ZBTB8OS: variants seen among roughly 807,000 people sequenced by gnomAD.
ZBTB8OS encodes tRNA splicing ligase complex subunit 1.
ZBTB8OS carries 16 observed loss-of-function variants against 29.3 expected under a neutral mutation model. The ratio of observed to expected loss-of-function variants is 0.55; its 90% CI spans 0.37 to 0.83. The LOEUF is 0.83. Among genes scored for constraint, ZBTB8OS ranks in the 40% least tolerant of loss-of-function variants. ZBTB8OS has a pLI of 0.00. For missense variants in ZBTB8OS, 160 were observed against 196.9 expected (o/e 0.81, Z 1.12); for synonymous variants, 70 against 64.6 (o/e 1.08, Z -0.40).
chr1:32,650,072 GTCC>G (rs1417715925), intron 1 of ZBTB8OS, among the ~76,000 whole-genome samples: 7 of 152,108 alleles, frequency 4.6e-5, no homozygotes, highest in Non-Finnish European at 8.8e-5. Context: ...AGCTTTCCGA[GTCC>G]TCTAACCTCG....
intron 3 of ZBTB8OS, 71 bp downstream of exon 3, chr1:32,633,880 A>G: frequency 1.3e-6 from 2 of 1,517,918 alleles, no homozygotes; most frequent in Non-Finnish European, 1.8e-6. Context: ...ATATACTCAG[A>G]TTATGTAGAA....
Position 32,621,951 on chromosome 1 carries a change from A to AG in ZBTB8OS, c.418-4_418-3insC, listed in dbSNP as rs1644780011. The AG allele has an allele frequency of 6.4e-7, 1 of 1,556,026 alleles. No homozygotes were observed. The highest frequency in any genetic ancestry group is 1.4e-5 in the African/African-American group (1 of 71,374). On this transcript the variant is annotated splice_polypyrimidine_tract_variant and splice_region_variant and intron_variant, in intron 6 of 6. Transcript: ENST00000468695. ...GTTATTGCTTTGACTTCTGTTCCCT[A>AG]AAGTTGGGGTTAGAGAAAAAAAAAA...
chr1:32,626,038 A>T (rs1645109641), intron 6 of ZBTB8OS, among the ~76,000 whole-genome samples: 1 of 151,978 alleles, frequency 6.6e-6, no homozygotes, highest in Non-Finnish European at 1.5e-5. Context: ...GCACCCAGCT[A>T]ATTTTTGTAT....
intron 5 of ZBTB8OS, 76 bp downstream of exon 5, chr1:32,631,751 C>T: frequency 4.4e-6 from 5 of 1,138,962 alleles, no homozygotes. Flanking sequence ...TTTATGTTTC[C>T]ATCTGTTTCC....
chr1:32,649,460 T>C (rs572030362), intron 1 of ZBTB8OS, among the ~76,000 whole-genome samples: 2 of 152,142 alleles, frequency 1.3e-5, no homozygotes, highest in Non-Finnish European at 2.9e-5. Flanking sequence ...CAGCTACCTT[T>C]AGGGATGACA....
At chr1:32,634,387 C>G in intron 2 of ZBTB8OS, 1 of 310,674 alleles carries the variant, frequency 3.2e-6, no homozygotes, top group East Asian at 5.6e-5. Context: ...CCACCAGACC[C>G]GGCTAATTTT....
At chr1:32,631,730 TG>T in intron 5 of ZBTB8OS, 96 bp downstream of exon 5, 1 of 871,342 alleles carries the variant, frequency 1.1e-6, no homozygotes, top group Non-Finnish European at 1.8e-6. Context: ...AATCTGCAAG[TG>T]GCCCTCTGAT....
chr1:32,645,840 A>G (rs961320205), intron 1 of ZBTB8OS, among the ~76,000 whole-genome samples: 7 of 152,316 alleles, frequency 4.6e-5, no homozygotes, highest in African/African-American at 1.7e-4. Flanking sequence ...AGTGAAAACA[A>G]TAACACCTCA....
At chr1:32,636,024 A>G (rs997980157) in intron 1 of ZBTB8OS, among the ~76,000 whole-genome samples, 1 of 152,126 alleles carries the variant, frequency 6.6e-6, no homozygotes. Context: ...AAAACCTAAG[A>G]TCAGTACTTG....
chr1:32,650,163 A>G (rs1161755484), intron 1 of ZBTB8OS, among the ~76,000 whole-genome samples: 1 of 152,176 alleles, frequency 6.6e-6, no homozygotes, highest in African/African-American at 2.4e-5. Context: ...TATCTTTAGA[A>G]TTTACGAAGA....
chr1:32,626,266 A>G (rs1215672603), intron 6 of ZBTB8OS, among the ~76,000 whole-genome samples: 1 of 152,230 alleles, frequency 6.6e-6, no homozygotes, highest in Non-Finnish European at 1.5e-5. Flanking sequence ...TATAGTATTC[A>G]GTATAGTAAC....
At chr1:32,628,841 C>A (rs1318689913) in intron 5 of ZBTB8OS, among the ~76,000 whole-genome samples, 1 of 151,340 alleles carries the variant, frequency 6.6e-6, no homozygotes, top group African/African-American at 2.4e-5. Flanking sequence ...GAGGCTGAGG[C>A]ACAAGAATGG....
chr1:32,634,381 C>T (rs1010410413), intron 2 of ZBTB8OS: 20 of 315,656 alleles, frequency 6.3e-5, no homozygotes, highest in Non-Finnish European at 1.1e-4. Flanking sequence ...CAGGCACCAC[C>T]AGACCCGGCT....
chr1:32,643,988 G>A (rs1646639093), intron 1 of ZBTB8OS, among the ~76,000 whole-genome samples: 1 of 151,886 alleles, frequency 6.6e-6, no homozygotes, highest in South Asian at 2.1e-4. Flanking sequence ...ACCTAGAGAC[G>A]GCTAATGCTC....
upstream of ZBTB8OS, chr1:32,650,676 T>A: frequency 2.8e-6 from 4 of 1,440,290 alleles, no homozygotes; most frequent in Non-Finnish European, 3.8e-6. Flanking sequence ...CCTACTTTAG[T>A]CCCTACCCTG....
At chr1:32,641,010 C>CAAAAAAAAAAAAAA (rs530189429) in intron 1 of ZBTB8OS, among the ~76,000 whole-genome samples, 3 of 104,784 alleles carry the variant, frequency 2.9e-5, no homozygotes, top group African/African-American at 7.8e-5. Context: ...ACTAAAAATA[C>CAAAAAAAAAAAAAA]AAAAAAAAAA....
intron 1 of ZBTB8OS, among the ~76,000 whole-genome samples, chr1:32,649,633 AACACACACAC>A (rs962422171): frequency 3.7e-5 from 2 of 54,092 alleles, no homozygotes; most frequent in Admixed American, 4.1e-4. Context: ...CATCTCTAAA[AACACACACAC>A]ACACACACAC....
chr1:32,645,315 C>T (rs570601224), intron 1 of ZBTB8OS, among the ~76,000 whole-genome samples: 4 of 152,144 alleles, frequency 2.6e-5, no homozygotes, highest in Non-Finnish European at 4.4e-5. Flanking sequence ...CTAGGCAACA[C>T]GACAAGACCC....
At chr1:32,644,770 C>T (rs1646713732) in intron 1 of ZBTB8OS, among the ~76,000 whole-genome samples, 1 of 139,942 alleles carries the variant, frequency 7.1e-6, no homozygotes, top group African/African-American at 2.7e-5. Context: ...ATCTGGAAAT[C>T]CTGGGTTCAA....
Sources: gnomAD v4.1 joint callset for allele counts (sites outside exome capture counted in the v4.1 genomes callset) on GRCh38, gnomAD v4.1.1 for gene constraint, MANE v1.5 for transcripts, NCBI Gene and HGNC (gene_info 2026-07-23, HGNC 2026-07-21) for gene names.